CALN1: variants seen among roughly 807,000 people sequenced by gnomAD.
CALN1 encodes the protein calneuron 1.
A neutral mutation model predicts 30.6 loss-of-function variants in CALN1; 17 were observed. That is an observed-to-expected ratio of 0.56 (90% CI 0.38 to 0.83). The LOEUF is 0.83. Among genes scored for constraint, CALN1 ranks in the 40% least tolerant of loss-of-function variants. The probability of loss-of-function intolerance (pLI) is 0.00; values close to 1 mark genes in which losing one functional copy is unlikely to be tolerated. For missense variants in CALN1, 291 were observed against 354.9 expected, an observed-to-expected ratio of 0.82 and a Z score of 1.45; for synonymous variants, 156 against 131.4, an observed-to-expected ratio of 1.19 and a Z score of -1.28.
At chr7:72,365,820 G>A (rs2944801) in intron 2 of CALN1, among the ~76,000 whole-genome samples, 149,792 of 152,320 alleles carry the variant, frequency 0.98, 73,699 homozygotes, top group Middle Eastern at 1. Context: ...AAGCTTAAAA[G>A]TATAGGGAAA....
At chr7:71,848,725 A>G (rs1019062596) in intron 5 of CALN1, among the ~76,000 whole-genome samples, 3 of 152,088 alleles carry the variant, frequency 2.0e-5, no homozygotes, top group African/African-American at 7.2e-5. Flanking sequence ...TCAAGAAAAG[A>G]AAAAATTTAA....
intron 6 of CALN1, among the ~76,000 whole-genome samples, chr7:71,790,127 A>G (rs745333554): frequency 1.5e-5 from 1 of 66,540 alleles, no homozygotes; most frequent in Non-Finnish European, 3.2e-5. Context: ...AGAGAGAAGA[A>G]AGAAGAAAGA....
At position 71,861,799 on chromosome 7, in the gene CALN1, A is replaced by AAAG. The variant is rs1554358716; in HGVS notation, c.502-51308_502-51307insCTT. Among the ~76,000 whole-genome samples, 852 of 148,026 alleles carry AAAG rather than the reference A, an allele frequency of 5.8e-3. 11 individuals carry two copies. Among genetic ancestry groups the AAAG allele is most frequent in the African/African-American group, 0.02 (813 of 39,672 alleles). On this transcript the variant is annotated intron_variant, in intron 5 of 6. Transcript: ENST00000395275. ...ATCCAAAAAAAAAAAAAAAAAAAAA[A>AAAG]AGAGAGAGAGAGTAATGTCCAAAAC...
chr7:72,173,508 G>C (rs956349071), intron 3 of CALN1, among the ~76,000 whole-genome samples: 1 of 152,094 alleles, frequency 6.6e-6, no homozygotes, highest in East Asian at 1.9e-4. Flanking sequence ...CAAAGAAATG[G>C]TTTAAAAGAA....
At chr7:72,228,662 T>C (rs928967353) in intron 3 of CALN1, among the ~76,000 whole-genome samples, 2 of 151,754 alleles carry the variant, frequency 1.3e-5, no homozygotes, top group African/African-American at 4.8e-5. Flanking sequence ...TAAGTAAAGG[T>C]GACGATGGAA....
Position 71,781,358 on chromosome 7 carries a change from G to C in CALN1, c.*6417C>G, listed in dbSNP as rs145790107. 6.6e-6 allele frequency: 1 copy of C among 152,376 alleles called. No homozygotes were observed. Among genetic ancestry groups the C allele is most frequent in the East Asian group, 1.9e-4 (1 of 5,180 alleles). 9.4% of individuals were successfully genotyped at this position (152,376 alleles called of 1,614,324 possible). A position where few individuals can be genotyped will look rare whatever the true frequency, so the allele number is the denominator to read the frequency against. On this transcript the variant is annotated 3_prime_UTR_variant, in exon 7 of 7. Transcript: ENST00000395275. ...TGGCCTCAGTTTAACAGGTCTGAGA[G>C]CCCTGAGAGAGGCATTCTGGGCTTG...
intron 3 of CALN1, among the ~76,000 whole-genome samples, chr7:72,138,629 A>C (rs1031755486): frequency 3.3e-5 from 5 of 152,202 alleles, no homozygotes; most frequent in Non-Finnish European, 7.3e-5. Flanking sequence ...CTAATCTTCA[A>C]AGAGGCTGCC....
chr7:72,385,920 G>A (rs997741321), intron 2 of CALN1, among the ~76,000 whole-genome samples: 30 of 152,116 alleles, frequency 2.0e-4, no homozygotes, highest in Admixed American at 1.7e-3. Context: ...ACCCAGTCTT[G>A]GGTAGTTCTT....
chr7:72,142,372 T>C (rs952074120), intron 3 of CALN1, among the ~76,000 whole-genome samples: 3 of 152,132 alleles, frequency 2.0e-5, no homozygotes, highest in African/African-American at 4.8e-5. Flanking sequence ...GCCTCACTCA[T>C]TGCTAGCACA....
intron 3 of CALN1, among the ~76,000 whole-genome samples, chr7:72,145,017 C>T (rs1186851012): frequency 1.3e-5 from 2 of 152,044 alleles, no homozygotes; most frequent in Non-Finnish European, 1.5e-5. Flanking sequence ...CAAGAGAAAG[C>T]AGGGAAGTTC....
At chr7:72,358,132 T>G (rs923502929) in intron 2 of CALN1, among the ~76,000 whole-genome samples, 1 of 151,696 alleles carries the variant, frequency 6.6e-6, no homozygotes, top group Non-Finnish European at 1.5e-5. Flanking sequence ...GCCGGGGTTA[T>G]AGGTGTGCAC....
intron 2 of CALN1, among the ~76,000 whole-genome samples, chr7:72,400,040 A>G (rs1806233282): frequency 6.6e-6 from 1 of 152,152 alleles, no homozygotes; most frequent in Admixed American, 6.5e-5. Context: ...AGATTAGGCC[A>G]TCCCCTTCTT....
At chr7:72,305,176 G>C (rs1462428223) in intron 2 of CALN1, among the ~76,000 whole-genome samples, 1 of 152,146 alleles carries the variant, frequency 6.6e-6, no homozygotes, top group Non-Finnish European at 1.5e-5. Flanking sequence ...GATTTTGATT[G>C]GGACTGGCCC....
intron 5 of CALN1, among the ~76,000 whole-genome samples, chr7:71,947,526 T>C (rs539703781): frequency 6.6e-6 from 1 of 152,316 alleles, no homozygotes; most frequent in African/African-American, 2.4e-5. Context: ...TGTCTTGAAT[T>C]TCTGAAAATA....
At chr7:71,947,098 A>G (rs36028741) in intron 5 of CALN1, among the ~76,000 whole-genome samples, 1 of 151,434 alleles carries the variant, frequency 6.6e-6, no homozygotes, top group African/African-American at 2.4e-5. Flanking sequence ...GCAACCTCTG[A>G]CTCCCAGGTT....
intron 3 of CALN1, among the ~76,000 whole-genome samples, chr7:72,173,366 T>C (rs945899046): frequency 6.6e-6 from 1 of 152,172 alleles, no homozygotes; most frequent in African/African-American, 2.4e-5. Context: ...ATATTCCATA[T>C]TGTTAAGAGA....
chr7:72,089,836 T>C (rs1389702366), intron 4 of CALN1, among the ~76,000 whole-genome samples: 3 of 152,166 alleles, frequency 2.0e-5, no homozygotes, highest in African/African-American at 7.2e-5. Context: ...TAATTTATCT[T>C]GGACAAAACA....
At chr7:72,085,109 T>C (rs890514725) in intron 4 of CALN1, among the ~76,000 whole-genome samples, 5 of 152,156 alleles carry the variant, frequency 3.3e-5, no homozygotes, top group African/African-American at 1.2e-4. Context: ...AGAAGGTCAA[T>C]AGCAGCCAAA....
At chr7:72,470,361 T>G in the CALN1 span, among the ~76,000 whole-genome samples, 4 of 152,132 alleles carry the variant, frequency 2.6e-5, no homozygotes, top group South Asian at 8.3e-4. Flanking sequence ...CTGGGCAAGA[T>G]AGCAAGACCC....
Sources: allele counts gnomAD v4.1 joint callset (sites outside exome capture counted in the v4.1 genomes callset), GRCh38; gene constraint gnomAD v4.1.1; transcripts MANE v1.5; gene names NCBI Gene and HGNC (gene_info 2026-07-23, HGNC 2026-07-21).